The following ZFYVE9 variants were observed in gnomAD, a reference collection of about 807,000 sequenced individuals.
ZFYVE9 encodes zinc finger FYVE domain-containing protein 9.
In ZFYVE9, 43 loss-of-function variants were observed where a neutral mutation model predicts 126.7. That is an observed-to-expected ratio of 0.34 (90% CI 0.27 to 0.44). The LOEUF (loss-of-function observed/expected upper bound fraction) is 0.44, where lower values mean the gene tolerates loss of function less well. ZFYVE9 is among the 20% of genes least tolerant of loss of function. The pLI is 1.00. For synonymous variants in ZFYVE9, 521 were observed against 597.4 expected, an observed-to-expected ratio of 0.87 and a Z score of 1.87; for missense variants, 1,476 against 1,697.0, an observed-to-expected ratio of 0.87 and a Z score of 2.29.
At chr1:52,168,260 A>G (rs996818857) in intron 1 of ZFYVE9, among the ~76,000 whole-genome samples, 5 of 124,634 alleles carry the variant, frequency 4.0e-5, no homozygotes, top group African/African-American at 1.6e-4. Context: ...TCTGTCATCC[A>G]GGCTGGAGTG....
intron 1 of ZFYVE9, among the ~76,000 whole-genome samples, chr1:52,196,543 A>G (rs1644862039): frequency 6.6e-6 from 1 of 152,174 alleles, no homozygotes; most frequent in Non-Finnish European, 1.5e-5. Context: ...AGGCTGAGGC[A>G]GGAGAATCGC....
intron 1 of ZFYVE9, among the ~76,000 whole-genome samples, chr1:52,172,141 G>A (rs1300456833): frequency 5.9e-5 from 9 of 152,130 alleles, no homozygotes; most frequent in Non-Finnish European, 1.0e-4. Flanking sequence ...TAGGTCTAAC[G>A]TTTAAGTCTT....
chr1:52,228,971 C>G (rs1262315936), intron 2 of ZFYVE9, among the ~76,000 whole-genome samples: 1 of 151,784 alleles, frequency 6.6e-6, no homozygotes, highest in Non-Finnish European at 1.5e-5. Flanking sequence ...CTCACTGTAA[C>G]CTCGAACTCC....
intron 7 of ZFYVE9, among the ~76,000 whole-genome samples, chr1:52,269,379 C>T (rs1269844249): frequency 6.6e-6 from 1 of 152,162 alleles, no homozygotes; most frequent in African/African-American, 2.4e-5. Flanking sequence ...GATCCACCCC[C>T]TCAGCCTCCC....
chr1:52,297,242 CTTTTTTTTTTT>C (rs767708782), intron 12 of ZFYVE9, among the ~76,000 whole-genome samples: 1 of 134,106 alleles, frequency 7.5e-6, no homozygotes, highest in African/African-American at 2.8e-5. Flanking sequence ...AAAAACATTT[CTTTTTTTTTTT>C]TTTTTTGGAG....
In ZFYVE9 at chr1:52,266,685, C is replaced by T. The variant is rs753570674; in HGVS notation, c.2309C>T (p.Ser770Leu). The change falls in exon 6 of 19, where the codon TCA (serine) becomes TTA (leucine). Residue 770 changes from serine (S) to leucine (L), a missense_variant. Ser to Leu is a moderately radical substitution (Grantham distance 145). Transcript: ENST00000287727. ...AQAWENMMSA[S>L]SQSPNPNNPA... ...GCCTGGGAGAACATGATGAGTGCCT[C>T]AAGCCAGAGCCCTAACCCTAACAAT... is the stretch of plus-strand genomic sequence containing the variant. The T allele has an allele frequency of 1.9e-6, 3 of 1,603,868 alleles. No individual in the cohort carries two copies. Among genetic ancestry groups the T allele is most frequent in the Non-Finnish European group, 2.6e-6 (3 of 1,175,576 alleles).
intron 12 of ZFYVE9, among the ~76,000 whole-genome samples, chr1:52,302,620 G>T (rs377425303): frequency 2.0e-5 from 3 of 152,006 alleles, no homozygotes; most frequent in East Asian, 1.9e-4. Context: ...GCCTGGTGGT[G>T]CATTCCTGTA....
At chr1:52,274,247 A>G (rs979308919) in intron 7 of ZFYVE9, among the ~76,000 whole-genome samples, 1 of 152,206 alleles carries the variant, frequency 6.6e-6, no homozygotes, top group African/African-American at 2.4e-5. Flanking sequence ...TGATGATACC[A>G]AAAGGAGAAA....
intron 1 of ZFYVE9, among the ~76,000 whole-genome samples, chr1:52,169,680 C>A (rs1397314408): frequency 6.6e-6 from 1 of 152,134 alleles, no homozygotes; most frequent in East Asian, 1.9e-4. Context: ...AGGGCTTAAT[C>A]TGTACCCTTG....
intron 1 of ZFYVE9, among the ~76,000 whole-genome samples, chr1:52,166,227 G>A (rs1324598919): frequency 2.0e-5 from 3 of 152,204 alleles, no homozygotes; most frequent in Non-Finnish European, 4.4e-5. Flanking sequence ...TGGTATTGCT[G>A]CCTTGATTAT....
chr1:52,325,898 A>T, intron 13 of ZFYVE9, among the ~76,000 whole-genome samples: 1 of 152,228 alleles, frequency 6.6e-6, no homozygotes, highest in East Asian at 1.9e-4. Flanking sequence ...TAACTGAAAG[A>T]TGGATTAGGT....
chr1:52,250,201 G>A (rs944981992), intron 4 of ZFYVE9, among the ~76,000 whole-genome samples: 1 of 152,158 alleles, frequency 6.6e-6, no homozygotes, highest in African/African-American at 2.4e-5. Flanking sequence ...ATCACTATGG[G>A]CATTGTTGAC....
intron 13 of ZFYVE9, among the ~76,000 whole-genome samples, chr1:52,305,649 G>A (rs1333925346): frequency 1.3e-5 from 2 of 152,110 alleles, no homozygotes; most frequent in African/African-American, 2.4e-5. Flanking sequence ...CCAAGGTGCA[G>A]CTGCCCAAGT....
intron 1 of ZFYVE9, among the ~76,000 whole-genome samples, chr1:52,182,605 AAC>A (rs951144187): frequency 3.3e-5 from 5 of 151,886 alleles, no homozygotes; most frequent in African/African-American, 9.7e-5. Context: ...CAGGGACACA[AAC>A]ACTGCGGAAG....
chr1:52,318,523 A>G (rs563885765), intron 13 of ZFYVE9, among the ~76,000 whole-genome samples: 39 of 152,206 alleles, frequency 2.6e-4, no homozygotes, highest in African/African-American at 8.4e-4. Flanking sequence ...AAGATTGGAA[A>G]CAAGAACGGG....
intron 2 of ZFYVE9, among the ~76,000 whole-genome samples, chr1:52,230,141 T>TA (rs1241247669): frequency 3.3e-5 from 5 of 152,130 alleles, no homozygotes; most frequent in South Asian, 2.1e-4. Flanking sequence ...GTGCTGGGAT[T>TA]ACAGGCGTGA....
intron 18 of ZFYVE9, chr1:52,345,765 A>C: frequency 4.2e-6 from 1 of 237,952 alleles, no homozygotes; most frequent in Non-Finnish European, 8.0e-6. Flanking sequence ...ACCAAAGATT[A>C]AGGTATTATT....
intron 1 of ZFYVE9, among the ~76,000 whole-genome samples, chr1:52,183,499 T>C (rs1644733928): frequency 6.6e-6 from 1 of 152,184 alleles, no homozygotes; most frequent in Non-Finnish European, 1.5e-5. Context: ...TCAAAATTAT[T>C]TATGTATTTA....
chr1:52,311,798 TA>T (rs945131061), intron 13 of ZFYVE9, among the ~76,000 whole-genome samples: 11 of 152,094 alleles, frequency 7.2e-5, no homozygotes, highest in South Asian at 2.1e-4. Flanking sequence ...TTTATTTATT[TA>T]TTTTTTTTTT....
Sources: gnomAD v4.1 joint callset for allele counts (sites outside exome capture counted in the v4.1 genomes callset) on GRCh38, gnomAD v4.1.1 for gene constraint, MANE v1.5 for transcripts, NCBI Gene and HGNC (gene_info 2026-07-23, HGNC 2026-07-21) for gene names.